The following KAZN variants were observed in gnomAD, a reference collection of about 807,000 sequenced individuals.
KAZN encodes kazrin, periplakin interacting protein.
Under a neutral mutation model 87.4 loss-of-function variants are expected in KAZN, and 40 were observed. The observed-to-expected ratio is 0.46, with a 90% CI of 0.36 to 0.60. The LOEUF is 0.60. Ranked by LOEUF, KAZN falls within the 20% of genes least tolerant of loss-of-function variation. KAZN has a pLI of 0.00. For synonymous variants in KAZN, 466 were observed against 458.3 expected (o/e 1.02, Z -0.22); for missense variants, 898 against 1,073.9 (o/e 0.84, Z 2.29).
chr1:14,966,041 G>A (rs1253175281), intron 2 of KAZN, among the ~76,000 whole-genome samples: 2 of 146,250 alleles, frequency 1.4e-5, no homozygotes, highest in Non-Finnish European at 3.0e-5. Context: ...GTGCAGGGGC[G>A]TGACCTCGGC....
chr1:14,932,392 A>G lies in KAZN; in HGVS notation c.227-28292A>G, dbSNP rs537144794. Among the ~76,000 whole-genome samples, 10 of 151,724 alleles carry G rather than the reference A, an allele frequency of 6.6e-5. No individual in the cohort carries two copies. In the South Asian group the frequency reaches 1.9e-3, roughly 29 times the overall value. On this transcript the variant is annotated intron_variant, in intron 1 of 14. Transcript: ENST00000376030. ...CAGACAGTGGAGAGCCACGTGGGGG[A>G]GTTTCTATTTACTCTCTACCCTTTG...
chr1:14,581,462 G>C (rs1675543051), intron 2 of KAZN, among the ~76,000 whole-genome samples: 1 of 152,154 alleles, frequency 6.6e-6, no homozygotes, highest in African/African-American at 2.4e-5. Context: ...TACCCTGCTA[G>C]ATATGGCAAC....
At chr1:14,073,846 G>T (rs1252651147) in intron 1 of KAZN, among the ~76,000 whole-genome samples, 1 of 152,160 alleles carries the variant, frequency 6.6e-6, no homozygotes, top group African/African-American at 2.4e-5. Context: ...TGTGAACAGT[G>T]CCGCAATAAA....
intron 1 of KAZN, among the ~76,000 whole-genome samples, chr1:13,990,773 T>C (rs2101109093): frequency 6.6e-6 from 1 of 152,298 alleles, no homozygotes; most frequent in African/African-American, 2.4e-5. Context: ...TTGAAACGCA[T>C]GACTAAATGA....
intron 2 of KAZN, among the ~76,000 whole-genome samples, chr1:15,030,561 A>G (rs1001093392): frequency 1.3e-5 from 2 of 152,188 alleles, no homozygotes; most frequent in African/African-American, 4.8e-5. Context: ...GCGCCTGGTC[A>G]TACATCTTTA....
At chr1:14,265,994 A>G (rs565615941) in intron 2 of KAZN, among the ~76,000 whole-genome samples, 109 of 152,236 alleles carry the variant, frequency 7.2e-4, no homozygotes, top group African/African-American at 2.5e-3. Context: ...TAAACTGGAG[A>G]TAAGTTTGAA....
At chr1:14,879,694 A>G (rs559896674) in intron 1 of KAZN, among the ~76,000 whole-genome samples, 95 of 152,282 alleles carry the variant, frequency 6.2e-4, no homozygotes, top group Middle Eastern at 3.4e-3. Flanking sequence ...GTGGAGACCA[A>G]CTGGGCTCCA....
chr1:14,706,325 TC>T (rs1557903338), intron 1 of KAZN, among the ~76,000 whole-genome samples: 1 of 151,316 alleles, frequency 6.6e-6, no homozygotes, highest in African/African-American at 2.4e-5. Context: ...CCCCAAACCA[TC>T]CCCCCACCCC....
chr1:13,960,150 GC>G (rs1641697077), intron 1 of KAZN, among the ~76,000 whole-genome samples: 1 of 150,268 alleles, frequency 6.7e-6, no homozygotes, highest in Admixed American at 6.7e-5. Context: ...TGGAGGAAAA[GC>G]AATAATAAAT....
chr1:14,354,076 C>A (rs1341522374), intron 2 of KAZN, among the ~76,000 whole-genome samples: 1 of 151,760 alleles, frequency 6.6e-6, no homozygotes, highest in African/African-American at 2.4e-5. Flanking sequence ...CTAAAGAGTC[C>A]AGAAATAGAT....
At chr1:14,929,149 C>T (rs1294908748) in intron 1 of KAZN, among the ~76,000 whole-genome samples, 1 of 152,224 alleles carries the variant, frequency 6.6e-6, no homozygotes, top group Non-Finnish European at 1.5e-5. Context: ...CATCCTTTCC[C>T]CCTGTGGGGC....
chr1:14,503,402 T>A (rs923199492), intron 2 of KAZN, among the ~76,000 whole-genome samples: 2 of 151,058 alleles, frequency 1.3e-5, no homozygotes, highest in Non-Finnish European at 1.5e-5. Context: ...GAGAATGGCA[T>A]GAACCTGGGA....
At position 14,550,733 on chromosome 1, in the gene KAZN, CT is replaced by C. The variant is rs1571913406; in HGVS notation, c.250-48249del. 2.5e-4 allele frequency among the ~76,000 whole-genome samples: 21 copies of C among 84,552 alleles called. 1 individual carries two copies. The highest frequency in any genetic ancestry group is 5.9e-4 in the African/African-American group (16 of 27,132). 55.5% of individuals were successfully genotyped at this position (84,552 alleles called of 152,430 possible). ...TCTCTCTCTCTCTCTCTCTCTCTCT[CT>C]CTCTCCCCCACCCCGCCACCCCCTC... On this transcript the variant is annotated intron_variant, in intron 2 of 16. Transcript: ENST00000636203.
intron 2 of KAZN, among the ~76,000 whole-genome samples, chr1:14,390,297 C>G (rs1486324713): frequency 1.3e-5 from 2 of 152,018 alleles, no homozygotes; most frequent in African/African-American, 4.8e-5. Context: ...CTGGAAAAGA[C>G]AGAAAATAAG....
intron 1 of KAZN, among the ~76,000 whole-genome samples, chr1:14,013,413 G>C (rs1447186220): frequency 6.6e-6 from 1 of 152,166 alleles, no homozygotes; most frequent in Non-Finnish European, 1.5e-5. Context: ...AAAGGAGAAC[G>C]AGAAACAGGG....
At chr1:14,188,194 CGTGTGTGTGTGTGTGTGT>C (rs3033865) in intron 2 of KAZN, among the ~76,000 whole-genome samples, 15 of 140,054 alleles carry the variant, frequency 1.1e-4, no homozygotes, top group South Asian at 4.8e-4. Context: ...GAGAGAGGAG[CGTGTGTGTGTGTGTGTGT>C]GTGTGTGTGT....
At chr1:14,683,066 C>T (rs765330806) in intron 1 of KAZN, among the ~76,000 whole-genome samples, 3 of 152,140 alleles carry the variant, frequency 2.0e-5, no homozygotes, top group Non-Finnish European at 4.4e-5. Flanking sequence ...AGTTCCCTAT[C>T]AGATATGAGA....
chr1:14,882,555 C>T (rs1653456726), intron 1 of KAZN, among the ~76,000 whole-genome samples: 1 of 152,110 alleles, frequency 6.6e-6, no homozygotes, highest in Non-Finnish European at 1.5e-5. Context: ...TGTTATAGAC[C>T]TGGTATTTCC....
intron 2 of KAZN, among the ~76,000 whole-genome samples, chr1:15,029,603 C>G (rs1310796596): frequency 6.6e-6 from 1 of 152,182 alleles, no homozygotes; most frequent in Non-Finnish European, 1.5e-5. Flanking sequence ...ACTGCACCCC[C>G]ACAAAGGCCA....
Sources: allele counts gnomAD v4.1 joint callset (sites outside exome capture counted in the v4.1 genomes callset), GRCh38; gene constraint gnomAD v4.1.1; transcripts MANE v1.5; gene names NCBI Gene and HGNC (gene_info 2026-07-23, HGNC 2026-07-21).